MAGI1: variants seen among roughly 807,000 people sequenced by gnomAD.
MAGI1 encodes the protein membrane-associated guanylate kinase, WW and PDZ domain-containing protein 1.
MAGI1 carries 58 observed loss-of-function variants against 139.9 expected under a neutral mutation model. That is an observed-to-expected ratio of 0.41 (90% CI 0.34 to 0.52). The LOEUF (loss-of-function observed/expected upper bound fraction) is 0.52, where lower values mean the gene tolerates loss of function less well. MAGI1 is among the 20% of genes least tolerant of loss of function. The probability of loss-of-function intolerance (pLI) is 0.12; values close to 1 mark genes in which losing one functional copy is unlikely to be tolerated. For missense variants in MAGI1, 1,874 were observed against 1,901.6 expected (o/e 0.99, Z 0.27); for synonymous variants, 812 against 737.9 (o/e 1.10, Z -1.63).
chr3:65,729,521 C>G (rs187193786), intron 1 of MAGI1, among the ~76,000 whole-genome samples: 22 of 152,276 alleles, frequency 1.4e-4, no homozygotes, highest in Admixed American at 3.3e-4. Context: ...TCTAAGTGGA[C>G]TAACTTCCAG....
In MAGI1 at chr3:66,038,421, A is replaced by C; in HGVS notation, c.-113T>G. ...GAGAAACATCTCTCCCCAAATCACA[A>C]AACAGGAGAGAGAAACTTGGCAGCC... is the stretch of plus-strand genomic sequence containing the variant. On this transcript the variant is annotated 5_prime_UTR_variant, in exon 1 of 23. Transcript: ENST00000402939. 2 of 1,390,814 alleles carry C rather than the reference A, an allele frequency of 1.4e-6. No homozygotes were observed. The highest frequency in any genetic ancestry group is 1.9e-6 in the Non-Finnish European group (2 of 1,053,028). The allele number at this position is 1,390,814 out of a possible 1,614,324, so 86.2% of individuals were successfully genotyped here.
In MAGI1 at chr3:65,599,291, A is replaced by T. The variant is rs2082373683; in HGVS notation, c.430+22681T>A. 2.6e-5 allele frequency among the ~76,000 whole-genome samples: 4 copies of T among 152,204 alleles called. No individual in the cohort carries two copies. The South Asian group carries it at 8.3e-4, about 31-fold the overall frequency. ...AGGGCAGTGGGCCATTTAGATAACA[A>T]GGCAGCACAGATCTTTCCTTCGAAT... On this transcript the variant is annotated intron_variant, in intron 2 of 22. Coordinates refer to ENST00000402939, the MANE Select transcript of MAGI1 (RefSeq NM_001033057.2).
chr3:65,643,084 G>T (rs2085068087), intron 1 of MAGI1, among the ~76,000 whole-genome samples: 1 of 152,204 alleles, frequency 6.6e-6, no homozygotes, highest in Admixed American at 6.5e-5. Context: ...AGTAAACACA[G>T]AGGAGAAGAT....
At chr3:65,574,733 C>T (rs2081103468) in intron 2 of MAGI1, among the ~76,000 whole-genome samples, 1 of 152,002 alleles carries the variant, frequency 6.6e-6, no homozygotes. Flanking sequence ...GTAATCAAGA[C>T]AGTGTTGTAC....
At chr3:65,570,418 T>TAA (rs60986885) in intron 2 of MAGI1, among the ~76,000 whole-genome samples, 1,548 of 138,134 alleles carry the variant, frequency 0.011, 19 homozygotes, top group African/African-American at 0.035. Flanking sequence ...CAATACTTCA[T>TAA]AAAAAAAAAA....
At chr3:65,846,501 T>C (rs574120585) in intron 1 of MAGI1, among the ~76,000 whole-genome samples, 2 of 152,330 alleles carry the variant, frequency 1.3e-5, no homozygotes, top group Non-Finnish European at 1.5e-5. Context: ...CAGAGTGTTA[T>C]AGTTAAATGA....
chr3:65,750,903 T>G (rs2107822647), intron 1 of MAGI1, among the ~76,000 whole-genome samples: 1 of 152,330 alleles, frequency 6.6e-6, no homozygotes, highest in East Asian at 1.9e-4. Flanking sequence ...ATTACAGTGC[T>G]AGGTGTCATG....
At chr3:65,619,936 G>A (rs1003428838) in intron 2 of MAGI1, 13 of 985,128 alleles carry the variant, frequency 1.3e-5, no homozygotes, top group Non-Finnish European at 1.4e-5. Context: ...TCAATGCCAA[G>A]GGGCTTTATA....
intron 1 of MAGI1, among the ~76,000 whole-genome samples, chr3:65,689,760 T>C (rs2088408853): frequency 6.6e-6 from 1 of 152,232 alleles, no homozygotes; most frequent in Non-Finnish European, 1.5e-5. Flanking sequence ...CATCAGCAAC[T>C]AGTAATCTAA....
At chr3:65,692,805 C>A (rs1377161092) in intron 1 of MAGI1, among the ~76,000 whole-genome samples, 1 of 152,144 alleles carries the variant, frequency 6.6e-6, no homozygotes, top group African/African-American at 2.4e-5. Flanking sequence ...AGCCCCCTTG[C>A]CATGTTATGT....
At chr3:65,424,828 C>G (rs1241292500) in intron 12 of MAGI1, among the ~76,000 whole-genome samples, 2 of 152,080 alleles carry the variant, frequency 1.3e-5, no homozygotes, top group Non-Finnish European at 2.9e-5. Flanking sequence ...AGGCAGAAGC[C>G]TAACATTTTT....
At chr3:65,936,924 GTGGTGGTGGTGA>G (rs2063085661) in intron 1 of MAGI1, among the ~76,000 whole-genome samples, 1 of 150,572 alleles carries the variant, frequency 6.6e-6, no homozygotes, top group East Asian at 1.9e-4. Context: ...GTTGTTGGTG[GTGGTGGTGGTGA>G]TGGTGGTGGT....
chr3:65,527,082 C>G (rs2078420800), intron 2 of MAGI1, among the ~76,000 whole-genome samples: 1 of 152,220 alleles, frequency 6.6e-6, no homozygotes, highest in Non-Finnish European at 1.5e-5. Context: ...TGGTGATTGT[C>G]TTGACTTCTC....
intron 12 of MAGI1, among the ~76,000 whole-genome samples, chr3:65,407,021 T>C (rs928161500): frequency 6.6e-6 from 1 of 152,210 alleles, no homozygotes; most frequent in Non-Finnish European, 1.5e-5. Flanking sequence ...TAATTCTAAA[T>C]GTAGGACTTT....
intron 1 of MAGI1, among the ~76,000 whole-genome samples, chr3:65,825,239 T>G (rs1495448): frequency 0.52 from 79,097 of 152,094 alleles, 21,118 homozygotes; most frequent in East Asian, 0.76. Flanking sequence ...CACATTCTTT[T>G]TTTCCACTAA....
chr3:65,609,571 G>GT (rs894819185), intron 2 of MAGI1, among the ~76,000 whole-genome samples: 56 of 151,144 alleles, frequency 3.7e-4, no homozygotes, highest in African/African-American at 1.1e-3. Flanking sequence ...GAGCCACCGG[G>GT]TTTTTTTTGT....
intron 1 of MAGI1, among the ~76,000 whole-genome samples, chr3:65,916,907 T>C (rs997357990): frequency 2.6e-4 from 40 of 152,194 alleles, no homozygotes; most frequent in African/African-American, 8.9e-4. Context: ...TCTCATTGTA[T>C]ACTTTTTAAA....
intron 1 of MAGI1, among the ~76,000 whole-genome samples, chr3:65,824,457 C>T (rs530064709): frequency 8.5e-5 from 13 of 152,220 alleles, no homozygotes; most frequent in African/African-American, 2.9e-4. Context: ...GTATAGAGGC[C>T]CCAGGTGAAT....
chr3:66,005,500 G>A (rs571032074), intron 1 of MAGI1, among the ~76,000 whole-genome samples: 1 of 152,268 alleles, frequency 6.6e-6, no homozygotes, highest in East Asian at 1.9e-4. Flanking sequence ...ATCCTCAGCT[G>A]TTCAAAATCA....
Sources: allele counts gnomAD v4.1 joint callset (sites outside exome capture counted in the v4.1 genomes callset), GRCh38; gene constraint gnomAD v4.1.1; transcripts MANE v1.5; gene names NCBI Gene and HGNC (gene_info 2026-07-23, HGNC 2026-07-21).